Variants in FAT3 observed in about 807,000 individuals in gnomAD.
FAT3 encodes FAT atypical cadherin 3.
A neutral mutation model predicts 310.2 loss-of-function variants in FAT3; 95 were observed. The observed-to-expected ratio is 0.31, with a 90% CI of 0.26 to 0.36. The LOEUF is 0.36. Among genes scored for constraint, FAT3 ranks in the 10% least tolerant of loss-of-function variants. The pLI is 1.00. For missense variants in FAT3, 5,408 were observed against 5,715.6 expected, an observed-to-expected ratio of 0.95 and a Z score of 1.74; for synonymous variants, 2,314 against 2,192.9, an observed-to-expected ratio of 1.06 and a Z score of -1.54.
intron 2 of FAT3, among the ~76,000 whole-genome samples, chr11:92,385,687 C>T (rs1949603202): frequency 6.6e-6 from 1 of 152,060 alleles, no homozygotes; most frequent in African/African-American, 2.4e-5. Flanking sequence ...TGATTTTAGA[C>T]ACCTCATCTC....
chr11:92,303,676 G>A (rs537777875), intron 1 of FAT3, among the ~76,000 whole-genome samples: 60 of 152,142 alleles, frequency 3.9e-4, no homozygotes, highest in Non-Finnish European at 7.1e-4. Context: ...TAAAGTTCCA[G>A]GAGCACAGCT....
At chr11:92,382,876 C>T (rs546305930) in intron 2 of FAT3, among the ~76,000 whole-genome samples, 1 of 152,100 alleles carries the variant, frequency 6.6e-6, no homozygotes, top group East Asian at 1.9e-4. Flanking sequence ...GTGGGATGTG[C>T]AGGTTTGTTA....
At chr11:92,410,289 T>G (rs180787121) in intron 2 of FAT3, among the ~76,000 whole-genome samples, 121 of 151,680 alleles carry the variant, frequency 8.0e-4, no homozygotes, top group African/African-American at 2.8e-3. Context: ...TTTTTATAGG[T>G]GTGTGTGTGT....
chr11:92,519,082 T>C (rs1344124755), intron 2 of FAT3, among the ~76,000 whole-genome samples: 2 of 152,120 alleles, frequency 1.3e-5, no homozygotes, highest in Non-Finnish European at 1.5e-5. Context: ...GCAAATCACC[T>C]GGGTTAGCCT....
chr11:92,714,723 TC>T (rs1428522783), intron 4 of FAT3, among the ~76,000 whole-genome samples: 1 of 152,186 alleles, frequency 6.6e-6, no homozygotes, highest in East Asian at 1.9e-4. Flanking sequence ...GTTGCATTTT[TC>T]TCTTGGCTTT....
chr11:92,501,548 A>C (rs763135503), intron 2 of FAT3, among the ~76,000 whole-genome samples: 1 of 151,944 alleles, frequency 6.6e-6, no homozygotes, highest in African/African-American at 2.4e-5. Flanking sequence ...TCTAGTAACT[A>C]CTTTAAGGAA....
chr11:92,360,767 G>A (rs886477457), intron 2 of FAT3, among the ~76,000 whole-genome samples: 1 of 152,120 alleles, frequency 6.6e-6, no homozygotes, highest in Non-Finnish European at 1.5e-5. Context: ...TACCTATTAT[G>A]TGCCAGGCAC....
intron 2 of FAT3, among the ~76,000 whole-genome samples, chr11:92,513,492 T>G (rs922924830): frequency 2.6e-5 from 4 of 152,170 alleles, no homozygotes; most frequent in African/African-American, 9.7e-5. Context: ...GAAATAAATC[T>G]AGTTTAAAGA....
At chr11:92,560,008 G>A (rs942404474) in intron 3 of FAT3, among the ~76,000 whole-genome samples, 2 of 152,282 alleles carry the variant, frequency 1.3e-5, no homozygotes, top group South Asian at 2.1e-4. Flanking sequence ...TTACTACTCC[G>A]TGTTTAATTT....
intron 1 of FAT3, among the ~76,000 whole-genome samples, chr11:92,231,651 T>C (rs952211179): frequency 6.6e-6 from 1 of 152,216 alleles, no homozygotes; most frequent in Non-Finnish European, 1.5e-5. Context: ...CTGGAGCAGC[T>C]ATTGATGTTT....
intron 13 of FAT3, among the ~76,000 whole-genome samples, chr11:92,812,567 G>A (rs1947706112): frequency 1.4e-5 from 2 of 147,486 alleles, no homozygotes; most frequent in African/African-American, 2.5e-5. Flanking sequence ...GGGCAACAGA[G>A]CAAGACTCCA....
At chr11:92,785,409 G>A (rs1199051836) in intron 7 of FAT3, among the ~76,000 whole-genome samples, 1 of 151,948 alleles carries the variant, frequency 6.6e-6, no homozygotes, top group Non-Finnish European at 1.5e-5. Flanking sequence ...AGATAAACCA[G>A]TTTGTGTCAT....
chr11:92,330,843 A>G (rs1375941611), intron 1 of FAT3, among the ~76,000 whole-genome samples: 1 of 152,192 alleles, frequency 6.6e-6, no homozygotes, highest in East Asian at 1.9e-4. Flanking sequence ...AATATCTGAT[A>G]AACACAACAA....
At chr11:92,691,102 GAAT>G (rs1337530217) in intron 3 of FAT3, among the ~76,000 whole-genome samples, 1 of 152,176 alleles carries the variant, frequency 6.6e-6, no homozygotes, top group Non-Finnish European at 1.5e-5. Context: ...TGTGCTCAGG[GAAT>G]AAAGCAGGGA....
intron 1 of FAT3, among the ~76,000 whole-genome samples, chr11:92,247,376 G>C (rs577980778): frequency 1.4e-5 from 2 of 144,426 alleles, no homozygotes; most frequent in Admixed American, 6.9e-5. Flanking sequence ...GCTCCTTTTT[G>C]TCCTCTTTTG....
chr11:92,874,440 C>T (rs780197437), intron 22 of FAT3, among the ~76,000 whole-genome samples: 1 of 152,196 alleles, frequency 6.6e-6, no homozygotes, highest in African/African-American at 2.4e-5. Flanking sequence ...TCTTTCTTAT[C>T]CCTAGAAACT....
intron 2 of FAT3, among the ~76,000 whole-genome samples, chr11:92,367,645 C>G (rs1041514048): frequency 6.7e-6 from 1 of 150,326 alleles, no homozygotes; most frequent in African/African-American, 2.4e-5. Flanking sequence ...AAAACAACAA[C>G]AAAAAAAAAC....
chr11:92,364,117 A>C (rs1239039305), intron 2 of FAT3, among the ~76,000 whole-genome samples: 2 of 152,132 alleles, frequency 1.3e-5, no homozygotes, highest in African/African-American at 2.4e-5. Flanking sequence ...AAAAATAATG[A>C]CAGTCATAAA....
In FAT3 at chr11:92,354,915, G is replaced by A. The variant is rs747877701; in HGVS notation, c.2803G>A (p.Ala935Thr). ...AGATGATGTCAATGACTGCTCCCCA[G>A]CTTTCATTCCCAGTAGCTATAGTGT... Reference protein sequence around the residue: ...FLDDVNDCSPAFIPSSYSVKV... With the variant: ...FLDDVNDCSPTFIPSSYSVKV... The change falls in exon 2 of 28, where the codon GCT (alanine) becomes ACT (threonine). Residue 935 changes from alanine (A) to threonine (T), a missense_variant. Ala to Thr is a moderately conservative substitution (Grantham distance 58, BLOSUM62 0). This residue lies in a region of FAT3 where 4,588 missense variants were observed against 4,809.8 expected (regional missense o/e 0.95). Coordinates refer to ENST00000525166, the MANE Select transcript of FAT3 (RefSeq NM_001367949.2). 1.2e-6 allele frequency: 2 copies of A among 1,613,740 alleles called. No individual in the cohort carries two copies. The highest frequency in any genetic ancestry group is 8.5e-7 in the Non-Finnish European group (1 of 1,179,878).
Sources: allele counts gnomAD v4.1 joint callset (sites outside exome capture counted in the v4.1 genomes callset), GRCh38; gene constraint gnomAD v4.1.1; regional missense constraint gnomAD v4.1.1; transcripts MANE v1.5; gene names NCBI Gene and HGNC (gene_info 2026-07-23, HGNC 2026-07-21).